Variants in ASCC3 observed in about 807,000 individuals in gnomAD.
ASCC3 encodes the protein ASC-1 complex subunit P200.
In ASCC3, 158 loss-of-function variants were observed where a neutral mutation model predicts 256.3. That is an observed-to-expected ratio of 0.62 (90% CI 0.54 to 0.70). ASCC3 has a LOEUF of 0.70. ASCC3 is among the 30% of genes least tolerant of loss of function. The probability of loss-of-function intolerance (pLI) is 0.00; values close to 1 mark genes in which losing one functional copy is unlikely to be tolerated. For synonymous variants in ASCC3, 948 were observed against 883.4 expected (o/e 1.07, Z -1.30); for missense variants, 2,259 against 2,626.0 (o/e 0.86, Z 3.05).
chr6:100,540,513 G>C (rs1232368477), intron 36 of ASCC3, 126 bp from the exon 37 acceptor site: 1 of 815,284 alleles, frequency 1.2e-6, no homozygotes, highest in Non-Finnish European at 2.0e-6. Context: ...TTAGAATTTT[G>C]CTTGTTCAAT....
chr6:100,541,364 G>A (rs904734146), intron 36 of ASCC3, among the ~76,000 whole-genome samples: 1 of 150,854 alleles, frequency 6.6e-6, no homozygotes, highest in Non-Finnish European at 1.5e-5. Flanking sequence ...CTATGAAAGA[G>A]AATGATCTCT....
intron 16 of ASCC3, among the ~76,000 whole-genome samples, chr6:100,660,093 G>C (rs239226): frequency 0.56 from 85,096 of 151,118 alleles, 24,181 homozygotes; most frequent in East Asian, 0.72. Context: ...GTTTTTAATA[G>C]AGGCCTGAGA....
chr6:100,789,623 G>A (rs1769257984), intron 8 of ASCC3, among the ~76,000 whole-genome samples: 1 of 151,870 alleles, frequency 6.6e-6, no homozygotes, highest in Non-Finnish European at 1.5e-5. Context: ...AAAGAACAAA[G>A]TACATTTTAC....
chr6:100,779,290 G>A (rs190321582), intron 8 of ASCC3, among the ~76,000 whole-genome samples: 2 of 152,040 alleles, frequency 1.3e-5, no homozygotes, highest in Non-Finnish European at 2.9e-5. Flanking sequence ...ATGGAGTCTC[G>A]CTATGTTGCT....
intron 34 of ASCC3, among the ~76,000 whole-genome samples, chr6:100,592,224 T>C (rs1257536854): frequency 2.0e-5 from 3 of 151,716 alleles, no homozygotes; most frequent in South Asian, 2.1e-4. Flanking sequence ...TTATTCATAA[T>C]CTAACTTGCT....
intron 34 of ASCC3, among the ~76,000 whole-genome samples, chr6:100,593,583 TGG>T (rs1384602276): frequency 6.6e-6 from 1 of 152,122 alleles, no homozygotes; most frequent in Non-Finnish European, 1.5e-5. Flanking sequence ...ATGTGAATAG[TGG>T]CAGCCATTTC....
At chr6:100,798,513 C>T (rs902026219) in intron 8 of ASCC3, among the ~76,000 whole-genome samples, 200 bp downstream of exon 8, 26 of 151,850 alleles carry the variant, frequency 1.7e-4, no homozygotes, top group African/African-American at 6.0e-4. Context: ...CACAAAAATA[C>T]ACACATTTGT....
chr6:100,571,496 C>G (rs183964093), intron 36 of ASCC3, among the ~76,000 whole-genome samples: 2 of 152,164 alleles, frequency 1.3e-5, no homozygotes, highest in Admixed American at 6.5e-5. Flanking sequence ...ACCACTAGCC[C>G]GGTTTTCTGC....
intron 13 of ASCC3, among the ~76,000 whole-genome samples, chr6:100,692,310 ACTT>A (rs1462344539): frequency 6.6e-6 from 1 of 152,062 alleles, no homozygotes. Flanking sequence ...TGTACTTTAT[ACTT>A]CTTCAATACT....
At chr6:100,757,253 AACACAC>A (rs911372676) in intron 10 of ASCC3, among the ~76,000 whole-genome samples, 13 of 151,024 alleles carry the variant, frequency 8.6e-5, no homozygotes, top group African/African-American at 3.2e-4. Flanking sequence ...TACACACACA[AACACAC>A]ACACACACAC....
At chr6:100,511,514 T>C (rs1207960544) in intron 40 of ASCC3, among the ~76,000 whole-genome samples, 5 of 152,022 alleles carry the variant, frequency 3.3e-5, no homozygotes, top group African/African-American at 1.2e-4. Flanking sequence ...GGTGGATCAT[T>C]TGAGGTCAGG....
At chr6:100,797,472 A>T (rs1769681027) in intron 8 of ASCC3, among the ~76,000 whole-genome samples, 1 of 141,552 alleles carries the variant, frequency 7.1e-6, no homozygotes, top group Non-Finnish European at 1.6e-5. Flanking sequence ...AAAAAAAAAA[A>T]AAAATGAAAA....
rs770812475 is a variant in ASCC3, at chr6:100,627,722, A to G, written c.4522-12T>C. ...TTAAACAAGCCCATCTAGAGTAAAT[A>G]TGAGAGAGAAACCATTTTCAATTTT... On this transcript the variant is annotated splice_polypyrimidine_tract_variant and intron_variant, in intron 28 of 41. Coordinates refer to ENST00000369162, the MANE Select transcript of ASCC3 (RefSeq NM_006828.4). 2 of 1,613,222 alleles carry G rather than the reference A, an allele frequency of 1.2e-6. No homozygotes were observed. Among genetic ancestry groups the G allele is most frequent in the Admixed American group, 1.7e-5 (1 of 59,890 alleles).
At chr6:100,743,600 T>C (rs1020016005) in intron 10 of ASCC3, among the ~76,000 whole-genome samples, 9 of 152,316 alleles carry the variant, frequency 5.9e-5, no homozygotes, top group African/African-American at 2.2e-4. Flanking sequence ...GTGGTCCTAT[T>C]AACATGGTTT....
At chr6:100,805,139 A>G (rs1038369525) in intron 5 of ASCC3, among the ~76,000 whole-genome samples, 4 of 152,164 alleles carry the variant, frequency 2.6e-5, no homozygotes, top group Admixed American at 1.3e-4. Context: ...AACTTACTAC[A>G]TAACAGCTGT....
intron 36 of ASCC3, among the ~76,000 whole-genome samples, chr6:100,541,328 T>C (rs538856657): frequency 6.7e-6 from 1 of 149,298 alleles, no homozygotes; most frequent in South Asian, 2.1e-4. Flanking sequence ...TATGAAACAG[T>C]GGTCTTCCAG....
At chr6:100,766,479 T>C in intron 10 of ASCC3, 86 bp downstream of exon 10, 1 of 1,318,286 alleles carries the variant, frequency 7.6e-7, no homozygotes, top group Non-Finnish European at 1.1e-6. Context: ...TGTATTCTAG[T>C]TATTTAAGAT....
intron 3 of ASCC3, chr6:100,856,780 TATAC>T (rs1406355692): frequency 6.6e-6 from 1 of 152,140 alleles, no homozygotes; most frequent in African/African-American, 2.4e-5. Flanking sequence ...CTTACAATGT[TATAC>T]ATAGCTGTAA....
intron 14 of ASCC3, among the ~76,000 whole-genome samples, chr6:100,677,544 G>C (rs1562219451): frequency 6.6e-6 from 1 of 151,904 alleles, no homozygotes; most frequent in Admixed American, 6.6e-5. Context: ...CTGTAAAATG[G>C]GAATAAGAAT....
Sources: gnomAD v4.1 joint callset for allele counts (sites outside exome capture counted in the v4.1 genomes callset) on GRCh38, gnomAD v4.1.1 for gene constraint, MANE v1.5 for transcripts, NCBI Gene and HGNC (gene_info 2026-07-23, HGNC 2026-07-21) for gene names.